The following PDE6D variants were observed in gnomAD, a reference collection of about 807,000 sequenced individuals.
PDE6D encodes phosphodiesterase 6D.
In PDE6D, 10 loss-of-function variants were observed where a neutral mutation model predicts 21.9. The ratio of observed to expected loss-of-function variants is 0.46; its 90% CI spans 0.28 to 0.78. The LOEUF is 0.78. PDE6D is among the 30% of genes least tolerant of loss of function. PDE6D has a pLI of 0.12. For missense variants in PDE6D, 139 were observed against 184.8 expected, an observed-to-expected ratio of 0.75 and a Z score of 1.44; for synonymous variants, 59 against 63.5, an observed-to-expected ratio of 0.93 and a Z score of 0.34.
chr2:231,745,520 CG>C (rs1056964175), intron 1 of PDE6D, among the ~76,000 whole-genome samples: 2 of 152,128 alleles, frequency 1.3e-5, no homozygotes, highest in Admixed American at 1.3e-4. Context: ...GTGATTTATA[CG>C]AAGGATGAGC....
chr2:231,780,915 G>A, intron 1 of PDE6D, 150 bp downstream of exon 1: 1 of 691,082 alleles, frequency 1.4e-6, no homozygotes, highest in South Asian at 1.9e-5. Flanking sequence ...GGGTCCCGCC[G>A]GGTGCTCGGC....
intron 1 of PDE6D, among the ~76,000 whole-genome samples, chr2:231,765,178 C>T (rs142381134): frequency 2.6e-5 from 4 of 151,926 alleles, no homozygotes; most frequent in Non-Finnish European, 5.9e-5. Flanking sequence ...AAAGCTGAGG[C>T]AGGAGGACTG....
chr2:231,760,950 T>A (rs1304402650), intron 1 of PDE6D, among the ~76,000 whole-genome samples: 1 of 152,162 alleles, frequency 6.6e-6, no homozygotes, highest in Admixed American at 6.5e-5. Flanking sequence ...CCTAACAATG[T>A]CCAGGTAACA....
chr2:231,752,429 T>C (rs979462781), intron 1 of PDE6D, among the ~76,000 whole-genome samples: 3 of 152,204 alleles, frequency 2.0e-5, no homozygotes, highest in South Asian at 2.1e-4. Flanking sequence ...TTAGAGATTA[T>C]AAAACACGAT....
At position 231,781,081 on chromosome 2, in the gene PDE6D, G is replaced by C; in HGVS notation, c.34C>G (p.Leu12Val). 1 of 1,613,476 alleles carries C rather than the reference G, an allele frequency of 6.2e-7. No individual in the cohort carries two copies. Among genetic ancestry groups the C allele is most frequent in the South Asian group, 1.1e-5 (1 of 91,070 alleles). ...GACGGATACAGTTTGAAGCCCCTCA[G>C]GATCTCCCTGGCCCGCTCGTCCTTG... is the stretch of plus-strand genomic sequence containing the variant. Reference protein sequence around the residue: ...SAKDERAREILRGFKLNWMNL... With the variant: ...SAKDERAREIVRGFKLNWMNL... Residue 12 changes from leucine to valine, a missense_variant, in exon 1 of 5, where the codon CTG becomes GTG. Physicochemically the swap from Leu to Val is conservative, Grantham distance 32 (BLOSUM62 1). Coordinates refer to ENST00000287600, the MANE Select transcript of PDE6D (RefSeq NM_002601.4).
chr2:231,763,902 G>A (rs1475278087), intron 1 of PDE6D, among the ~76,000 whole-genome samples: 1 of 151,530 alleles, frequency 6.6e-6, no homozygotes, highest in East Asian at 1.9e-4. Context: ...GCCTCCCAAA[G>A]TGCTGGGATT....
intron 1 of PDE6D, among the ~76,000 whole-genome samples, chr2:231,769,152 A>C (rs2048995845): frequency 6.6e-6 from 1 of 152,192 alleles, no homozygotes; most frequent in Admixed American, 6.5e-5. Context: ...TACAGGCGTG[A>C]GCCACCATGC....
At chr2:231,743,414 G>A (rs2048766168) in intron 1 of PDE6D, among the ~76,000 whole-genome samples, 1 of 127,482 alleles carries the variant, frequency 7.8e-6, no homozygotes, top group Admixed American at 9.1e-5. Flanking sequence ...TGGCGACAGA[G>A]CAAGATTCCG....
At chr2:231,760,369 A>G (rs1230872847) in intron 1 of PDE6D, among the ~76,000 whole-genome samples, 1 of 152,202 alleles carries the variant, frequency 6.6e-6, no homozygotes, top group African/African-American at 2.4e-5. Context: ...AATAATTTAG[A>G]TATTATTCAT....
intron 1 of PDE6D, among the ~76,000 whole-genome samples, chr2:231,749,387 T>A (rs1179504144): frequency 6.6e-6 from 1 of 152,196 alleles, no homozygotes; most frequent in African/African-American, 2.4e-5. Context: ...GGAATGGCTG[T>A]ATTTACTCAA....
Position 231,774,811 on chromosome 2 carries a change from G to A in PDE6D, c.50+6254C>T, listed in dbSNP as rs377023939. ...TCACCATGTTGGCCAGGCTGGCCTC[G>A]AATCCCTGACCTCAAGTAATCCGCC... On this transcript the variant is annotated intron_variant, in intron 1 of 4. Transcript: ENST00000287600. 2.6e-5 allele frequency among the ~76,000 whole-genome samples: 4 copies of A among 151,922 alleles called. No individual in the cohort carries two copies. In the East Asian group the frequency reaches 7.7e-4, roughly 29 times the overall value.
chr2:231,781,023 C>T, intron 1 of PDE6D, 42 bp downstream of exon 1: 1 of 1,576,674 alleles, frequency 6.3e-7, no homozygotes, highest in Non-Finnish European at 8.7e-7. Context: ...GAGCGGCCGC[C>T]TCCCAAGTCC....
chr2:231,755,855 G>C (rs572186876), intron 1 of PDE6D, among the ~76,000 whole-genome samples: 4 of 152,224 alleles, frequency 2.6e-5, no homozygotes, highest in East Asian at 1.9e-4. Context: ...CGGAGGCAGA[G>C]GTTGCAGTGA....
chr2:231,768,445 C>G (rs890639925), intron 1 of PDE6D, among the ~76,000 whole-genome samples: 2 of 152,030 alleles, frequency 1.3e-5, no homozygotes, highest in Admixed American at 1.3e-4. Flanking sequence ...TGCTGGAGTG[C>G]GGTGGCGTGA....
At chr2:231,736,153 A>G (rs184417513) in intron 4 of PDE6D, among the ~76,000 whole-genome samples, 2 of 152,302 alleles carry the variant, frequency 1.3e-5, no homozygotes, top group African/African-American at 4.8e-5. Context: ...AGCCTGGGCA[A>G]CATGGCAAGA....
intron 1 of PDE6D, among the ~76,000 whole-genome samples, chr2:231,750,582 C>T (rs76688761): frequency 0.013 from 1,914 of 150,590 alleles, 43 homozygotes; most frequent in African/African-American, 0.044. Context: ...CTGCAACCTC[C>T]TCCCGGGTTC....
At chr2:231,775,439 G>C (rs1389289236) in intron 1 of PDE6D, among the ~76,000 whole-genome samples, 1 of 151,092 alleles carries the variant, frequency 6.6e-6, no homozygotes, top group Non-Finnish European at 1.5e-5. Context: ...CCTCCCAGTA[G>C]CTGGGACCAC....
chr2:231,737,461 G>A (rs1279522748), intron 3 of PDE6D, 169 bp from the exon 4 acceptor site: 5 of 558,086 alleles, frequency 9.0e-6, no homozygotes, highest in Non-Finnish European at 1.3e-5. Context: ...GCCTGCTCAG[G>A]TTGTCCTCTG....
At chr2:231,763,855 T>C (rs113166464) in intron 1 of PDE6D, among the ~76,000 whole-genome samples, 1 of 151,758 alleles carries the variant, frequency 6.6e-6, no homozygotes, top group African/African-American at 2.4e-5. Flanking sequence ...CTCAGGCCGG[T>C]CTTGAATTCC....
Sources: gnomAD v4.1 joint callset for allele counts (sites outside exome capture counted in the v4.1 genomes callset) on GRCh38, gnomAD v4.1.1 for gene constraint, MANE v1.5 for transcripts, NCBI Gene and HGNC (gene_info 2026-07-23, HGNC 2026-07-21) for gene names.